Variants in CLSTN1 observed in about 807,000 individuals in gnomAD.
CLSTN1 encodes the protein calsyntenin-1.
CLSTN1 carries 28 observed loss-of-function variants against 108.3 expected under a neutral mutation model. That is an observed-to-expected ratio of 0.26 (90% CI 0.19 to 0.35). The LOEUF (loss-of-function observed/expected upper bound fraction) is 0.35, where lower values mean the gene tolerates loss of function less well. CLSTN1 is among the 10% of genes least tolerant of loss of function. The pLI is 1.00. For missense variants in CLSTN1, 1,157 were observed against 1,302.6 expected (o/e 0.89, Z 1.72); for synonymous variants, 524 against 534.9 (o/e 0.98, Z 0.28).
At chr1:9,804,361 CAAAAA>C (rs35632390) in intron 1 of CLSTN1, among the ~76,000 whole-genome samples, 1 of 65,122 alleles carries the variant, frequency 1.5e-5, no homozygotes, top group Non-Finnish European at 3.4e-5. Flanking sequence ...GACTCCATCT[CAAAAA>C]AAAAAAAAAA....
At chr1:9,817,893 G>A (rs1655036810) in intron 1 of CLSTN1, among the ~76,000 whole-genome samples, 1 of 152,026 alleles carries the variant, frequency 6.6e-6, no homozygotes, top group Non-Finnish European at 1.5e-5. Flanking sequence ...GGAAAAGACG[G>A]GTATTGTATG....
At position 9,783,377 on chromosome 1, in the gene CLSTN1, G is replaced by A. The variant is rs770575855; in HGVS notation, c.92-9983C>T. ...GAGGATTGCTTGAGCCTAGAAGTTC[G>A]ACACCAGCCTGGGTGACAAGGTGTG... is the stretch of plus-strand genomic sequence containing the variant. On this transcript the variant is annotated intron_variant, in intron 1 of 18. Coordinates refer to ENST00000377298, the MANE Select transcript of CLSTN1 (RefSeq NM_001009566.3). 9.9e-5 allele frequency among the ~76,000 whole-genome samples: 15 copies of A among 151,250 alleles called. No individual in the cohort carries two copies. The South Asian group carries it at 1.5e-3, about 15-fold the overall frequency.
chr1:9,789,320 C>G (rs574581703), intron 1 of CLSTN1, among the ~76,000 whole-genome samples: 1 of 151,428 alleles, frequency 6.6e-6, no homozygotes, highest in Non-Finnish European at 1.5e-5. Flanking sequence ...ACAAGGGCCC[C>G]GATTTCTCCA....
intron 1 of CLSTN1, among the ~76,000 whole-genome samples, chr1:9,816,447 A>C (rs1278170188): frequency 6.6e-6 from 1 of 152,080 alleles, no homozygotes; most frequent in East Asian, 1.9e-4. Context: ...ATGGTTGTGC[A>C]ACTTTGTAAA....
At chr1:9,777,384 G>A (rs1002885207) in intron 1 of CLSTN1, among the ~76,000 whole-genome samples, 2 of 151,584 alleles carry the variant, frequency 1.3e-5, no homozygotes, top group African/African-American at 4.9e-5. Context: ...TTAGCTGGGC[G>A]TGGTGGCACA....
chr1:9,779,327 C>A (rs1376323382), intron 1 of CLSTN1, among the ~76,000 whole-genome samples: 2 of 152,148 alleles, frequency 1.3e-5, no homozygotes, highest in African/African-American at 2.4e-5. Flanking sequence ...AATCCCAGCA[C>A]CTTGGGAGGT....
intron 1 of CLSTN1, among the ~76,000 whole-genome samples, chr1:9,818,216 C>T (rs1363059774): frequency 6.6e-6 from 1 of 150,828 alleles, no homozygotes; most frequent in Admixed American, 6.6e-5. Flanking sequence ...CACCATGTTG[C>T]ACAGGCTGGT....
At chr1:9,807,342 G>A (rs538793284) in intron 1 of CLSTN1, among the ~76,000 whole-genome samples, 4 of 152,058 alleles carry the variant, frequency 2.6e-5, no homozygotes, top group African/African-American at 7.2e-5. Flanking sequence ...GTCACTACAC[G>A]GACTACGTCA....
chr1:9,737,889 C>A (rs1650775323), intron 10 of CLSTN1, among the ~76,000 whole-genome samples: 1 of 152,170 alleles, frequency 6.6e-6, no homozygotes, highest in Non-Finnish European at 1.5e-5. Context: ...TAGGACACTC[C>A]ACAGAGGCTG....
chr1:9,755,563 A>AAG (rs1178355189), intron 3 of CLSTN1, among the ~76,000 whole-genome samples: 1 of 152,172 alleles, frequency 6.6e-6, no homozygotes. Flanking sequence ...AGGAATACAA[A>AAG]AGAGAGAGAG....
rs139225669 is a variant in CLSTN1, at chr1:9,812,260, G to A, written c.91+11383C>T. Among the ~76,000 whole-genome samples the A allele has an allele frequency of 5.4e-3, 828 of 152,266 alleles. 3 individuals carry two copies. Among genetic ancestry groups the A allele is most frequent in the Non-Finnish European group, 8.6e-3 (583 of 68,016 alleles). ...TCGGTTCTCACTGTCCACTGAGAAC[G>A]GAGTAGAGCCTATCCTTTGCTTGTT... On this transcript the variant is annotated intron_variant, in intron 1 of 18. Transcript: ENST00000377298.
chr1:9,762,149 C>G (rs995022414), intron 2 of CLSTN1, among the ~76,000 whole-genome samples: 1 of 152,046 alleles, frequency 6.6e-6, no homozygotes, highest in African/African-American at 2.4e-5. Context: ...CAATGGGAAA[C>G]GGATCACGGG....
rs202199314 is a variant in CLSTN1, at chr1:9,731,297, T to C, written c.2657A>G (p.His886Arg). The change falls in exon 18 of 19, where the codon CAT becomes CGT. Residue 886 changes from histidine (H) to arginine (R), a missense_variant. Transcript: ENST00000377298. The part of the protein sequence containing the change: ...ILGVFRIRAA[H>R]RRTMRDQDTG... ...GTCCTGATCCCGCATGGTCCGCCGA[T>C]GTGCGGCCCGGATCCGAAATACCCC... 284 of 1,614,128 alleles carry C rather than the reference T, an allele frequency of 1.8e-4. No homozygotes were observed. The highest frequency in any genetic ancestry group is 2.4e-4 in the Non-Finnish European group (279 of 1,180,050).
At chr1:9,756,643 C>T (rs1307488195) in intron 2 of CLSTN1, 133 bp from the exon 3 acceptor site, 2 of 682,054 alleles carry the variant, frequency 2.9e-6, no homozygotes, top group East Asian at 2.5e-5. Flanking sequence ...TCTACGATTG[C>T]TACAGCAAAA....
At position 9,735,144 on chromosome 1, in the gene CLSTN1, G is replaced by T; in HGVS notation, c.1914C>A (p.Val638=). Residue 638 remains valine (V), a synonymous_variant, in exon 14 of 19, where the codon GTC becomes GTA. Coordinates refer to ENST00000377298, the MANE Select transcript of CLSTN1 (RefSeq NM_001009566.3). ...CCATCACGTAGCCATCTACCGGGGGGACCGAAATGCAGGTGGCCTCGTTAA... is the reference window on the plus strand; with the variant it reads ...CCATCACGTAGCCATCTACCGGGGGTACCGAAATGCAGGTGGCCTCGTTAA... The part of the protein sequence containing the change: ...KCFNEATCIS[V]PPVDGYVMVL... The T allele has an allele frequency of 6.2e-7, 1 of 1,614,194 alleles. No homozygotes were observed. The highest frequency in any genetic ancestry group is 8.5e-7 in the Non-Finnish European group (1 of 1,180,042).
chr1:9,762,125 C>T (rs1432478801), intron 2 of CLSTN1, among the ~76,000 whole-genome samples: 1 of 152,056 alleles, frequency 6.6e-6, no homozygotes, highest in Non-Finnish European at 1.5e-5. Flanking sequence ...GTTGTAGATC[C>T]ACTGATCTGT....
rs545839742 is a variant in CLSTN1 at position 9,776,126 on chromosome 1, C to A, written c.92-2732G>T. 2.7e-4 allele frequency among the ~76,000 whole-genome samples: 41 copies of A among 152,238 alleles called. 1 individual carries two copies. In the South Asian group the frequency reaches 8.5e-3, roughly 32 times the overall value. On this transcript the variant is annotated intron_variant, in intron 1 of 18. Transcript: ENST00000377298. ...TAGCTGGGACTACAGGCGCTCACCA[C>A]CACGCTCAGTTTCTGTATTTTTAGT...
Position 9,734,579 on chromosome 1 carries a change from A to G in CLSTN1, c.2110+369T>C, listed in dbSNP as rs1402877789. On this transcript the variant is annotated intron_variant, in intron 14 of 18. Transcript: ENST00000377298. This position sits in a 1 kb window ranked among gnomAD's most constrained non-coding sequence, Gnocchi z 4.8. Reference sequence around the variant, plus strand: ...GACAGAGTGAGACTCCATCTCAAAAAAAAAAAAAAAGGGGGGGAGTTTCAT... The same window carrying G: ...GACAGAGTGAGACTCCATCTCAAAAGAAAAAAAAAAGGGGGGGAGTTTCAT... 2.0e-5 allele frequency among the ~76,000 whole-genome samples: 3 copies of G among 151,812 alleles called. No homozygotes were observed. Among genetic ancestry groups the G allele is most frequent in the Non-Finnish European group, 4.4e-5 (3 of 67,938 alleles).
chr1:9,774,548 AGAGT>A (rs890444874), intron 1 of CLSTN1, among the ~76,000 whole-genome samples: 8 of 151,950 alleles, frequency 5.3e-5, no homozygotes, highest in Admixed American at 2.6e-4. Context: ...ACTGGGCGAC[AGAGT>A]GAGACTCCGC....
Sources: allele counts gnomAD v4.1 joint callset (sites outside exome capture counted in the v4.1 genomes callset), GRCh38; gene constraint gnomAD v4.1.1; non-coding constraint Gnocchi (gnomAD v3.1); transcripts MANE v1.5; gene names NCBI Gene and HGNC (gene_info 2026-07-23, HGNC 2026-07-21).